LRRC4C: variants seen among roughly 807,000 people sequenced by gnomAD.
The protein encoded by LRRC4C is leucine-rich repeat-containing protein 4C.
In LRRC4C, 5 loss-of-function variants were observed where a neutral mutation model predicts 33.6. That is an observed-to-expected ratio of 0.15 (90% CI 0.08 to 0.31). The LOEUF (loss-of-function observed/expected upper bound fraction) is 0.31, where lower values mean the gene tolerates loss of function less well. Among genes scored for constraint, LRRC4C ranks in the 10% least tolerant of loss-of-function variants. The pLI is 1.00. For missense variants in LRRC4C, 560 were observed against 796.7 expected (o/e 0.70, Z 3.58); for synonymous variants, 329 against 302.0 (o/e 1.09, Z -0.93).
intron 3 of LRRC4C, among the ~76,000 whole-genome samples, chr11:40,482,918 G>A (rs1953663321): frequency 6.6e-6 from 1 of 152,176 alleles, no homozygotes; most frequent in Non-Finnish European, 1.5e-5. Flanking sequence ...TTCAATGGGA[G>A]GAATGAGAAA....
intron 1 of LRRC4C, among the ~76,000 whole-genome samples, chr11:41,336,445 A>G (rs1366896142): frequency 1.8e-5 from 1 of 54,372 alleles, no homozygotes; most frequent in East Asian, 4.4e-4. Flanking sequence ...AGGTGGGGAA[A>G]AAAAAAAATA....
intron 3 of LRRC4C, among the ~76,000 whole-genome samples, chr11:40,415,380 G>A (rs549162158): frequency 6.6e-6 from 1 of 152,240 alleles, no homozygotes; most frequent in South Asian, 2.1e-4. Context: ...ATGCGGTGGT[G>A]CAATGGAACA....
At chr11:40,250,873 C>A (rs2136177572) in intron 4 of LRRC4C, among the ~76,000 whole-genome samples, 1 of 152,258 alleles carries the variant, frequency 6.6e-6, no homozygotes, top group South Asian at 2.1e-4. Context: ...CTGTGATCTT[C>A]ATATGAACTT....
At position 41,387,364 on chromosome 11, in the gene LRRC4C, G is replaced by A. The variant is rs74365913; in HGVS notation, c.-496+72067C>T. ...AAGTGAGGAACACCTGACTGAATCA[G>A]TGTCAGTGCTATCAGAGAGAAACAG... On this transcript the variant is annotated intron_variant, in intron 1 of 6. Coordinates refer to ENST00000528697, the MANE Select transcript of LRRC4C (RefSeq NM_001258419.2). Among the ~76,000 whole-genome samples, 302 of 151,846 alleles carry A rather than the reference G, an allele frequency of 2.0e-3. 4 individuals are homozygous for A. In the East Asian group the frequency reaches 0.049, roughly 24 times the overall value.
At chr11:40,184,911 T>C (rs538031705) in intron 5 of LRRC4C, among the ~76,000 whole-genome samples, 25 of 152,240 alleles carry the variant, frequency 1.6e-4, no homozygotes, top group Non-Finnish European at 3.5e-4. Flanking sequence ...CTGCTGCGCT[T>C]CCTGCTACAA....
At chr11:40,230,036 T>A (rs1336837896) in intron 5 of LRRC4C, among the ~76,000 whole-genome samples, 2 of 152,186 alleles carry the variant, frequency 1.3e-5, no homozygotes, top group Admixed American at 1.3e-4. Context: ...TAATTTCTCA[T>A]CCACATCCTT....
chr11:41,110,644 C>T (rs181289994), intron 1 of LRRC4C, among the ~76,000 whole-genome samples: 25 of 152,000 alleles, frequency 1.6e-4, no homozygotes, highest in African/African-American at 4.8e-4. Flanking sequence ...TTTATTGTTA[C>T]GTTTTGCAAG....
chr11:41,027,654 C>T (rs1856462108), intron 1 of LRRC4C, among the ~76,000 whole-genome samples: 1 of 151,624 alleles, frequency 6.6e-6, no homozygotes, highest in African/African-American at 2.4e-5. Context: ...AGGAAAACAA[C>T]TATTTTACTA....
intron 1 of LRRC4C, among the ~76,000 whole-genome samples, chr11:41,435,619 T>G (rs538738412): frequency 6.6e-6 from 1 of 152,204 alleles, no homozygotes; most frequent in Admixed American, 6.5e-5. Flanking sequence ...ACTTATGTCA[T>G]AAGAAAATAA....
chr11:40,905,598 T>A (rs1956381412), intron 2 of LRRC4C, among the ~76,000 whole-genome samples: 1 of 152,192 alleles, frequency 6.6e-6, no homozygotes, highest in African/African-American at 2.4e-5. Flanking sequence ...TTACACGTGC[T>A]ACACATGCCT....
intron 5 of LRRC4C, among the ~76,000 whole-genome samples, chr11:40,186,968 G>A (rs1861452608): frequency 6.6e-6 from 1 of 152,170 alleles, no homozygotes; most frequent in South Asian, 2.1e-4. Context: ...GCAGGGCTGT[G>A]CTGGGGGATG....
intron 1 of LRRC4C, among the ~76,000 whole-genome samples, chr11:41,269,738 A>G (rs547756724): frequency 4.6e-5 from 7 of 152,218 alleles, no homozygotes; most frequent in African/African-American, 1.4e-4. Flanking sequence ...CCTCCTTTAT[A>G]ATAATTTTGG....
chr11:40,895,949 G>A (rs1361708333), intron 2 of LRRC4C, among the ~76,000 whole-genome samples: 2 of 152,094 alleles, frequency 1.3e-5, no homozygotes, highest in Non-Finnish European at 2.9e-5. Flanking sequence ...CCTCTGACCT[G>A]ACTAAAATGA....
intron 4 of LRRC4C, among the ~76,000 whole-genome samples, chr11:40,313,976 T>A (rs755745263): frequency 6.6e-6 from 1 of 151,914 alleles, no homozygotes; most frequent in Admixed American, 6.6e-5. Flanking sequence ...CTCAACAGCA[T>A]GGGCAACAAA....
At chr11:40,958,213 G>T (rs1959046992) in intron 1 of LRRC4C, among the ~76,000 whole-genome samples, 1 of 151,652 alleles carries the variant, frequency 6.6e-6, no homozygotes, top group African/African-American at 2.4e-5. Context: ...TCAGCTTGTG[G>T]TATTTTGTTA....
intron 1 of LRRC4C, among the ~76,000 whole-genome samples, chr11:41,155,247 C>T (rs985523618): frequency 6.6e-6 from 1 of 152,064 alleles, no homozygotes; most frequent in Non-Finnish European, 1.5e-5. Flanking sequence ...TCTTCAGGAG[C>T]AGTCATAGCC....
At chr11:40,428,264 T>G (rs996250961) in intron 3 of LRRC4C, among the ~76,000 whole-genome samples, 1 of 152,126 alleles carries the variant, frequency 6.6e-6, no homozygotes, top group Non-Finnish European at 1.5e-5. Context: ...ACACAGGACT[T>G]TTTTTTGATT....
chr11:41,147,049 C>T (rs914542988), intron 1 of LRRC4C, among the ~76,000 whole-genome samples: 1 of 152,162 alleles, frequency 6.6e-6, no homozygotes, highest in Admixed American at 6.5e-5. Flanking sequence ...AATAATTGTC[C>T]TAATGGAAAT....
intron 3 of LRRC4C, among the ~76,000 whole-genome samples, chr11:40,597,567 C>G (rs1358971665): frequency 6.6e-6 from 1 of 152,044 alleles, no homozygotes. Context: ...ATAAAATTGT[C>G]ACATGTAATA....
Sources: allele counts gnomAD v4.1 joint callset (sites outside exome capture counted in the v4.1 genomes callset), GRCh38; gene constraint gnomAD v4.1.1; transcripts MANE v1.5; gene names NCBI Gene and HGNC (gene_info 2026-07-23, HGNC 2026-07-21).